Variants in UGT2B4 observed in about 807,000 individuals in gnomAD.
The protein encoded by UGT2B4 is UDP-glucuronosyltransferase 2B4.
In UGT2B4, 49 loss-of-function variants were observed where a neutral mutation model predicts 49.8. That is an observed-to-expected ratio of 0.98 (90% CI 0.78 to 1.25). The LOEUF (loss-of-function observed/expected upper bound fraction) is 1.25, where lower values mean the gene tolerates loss of function less well. UGT2B4 is among the 50% of genes most tolerant of loss of function. UGT2B4 has a pLI of 0.00. For synonymous variants in UGT2B4, 246 were observed against 217.7 expected, an observed-to-expected ratio of 1.13 and a Z score of -1.14; for missense variants, 729 against 627.7, an observed-to-expected ratio of 1.16 and a Z score of -1.73.
At chr4:69,523,918 T>C (rs931224378) in intron 1 of UGT2B4, among the ~76,000 whole-genome samples, 18 of 152,148 alleles carry the variant, frequency 1.2e-4, no homozygotes, top group African/African-American at 4.3e-4. Context: ...TTTTTTGTTA[T>C]GGTGATAGCT....
Position 69,489,475 on chromosome 4 carries a change from A to C in UGT2B4, c.966T>G (p.Asn322Lys). Residue 322 changes from asparagine (N) to lysine (K), a missense_variant, in exon 3 of 6, where the codon AAT becomes AAG. Transcript: ENST00000305107. ...TCTTGGCAAGGGCTGATGCAATTAC[A>C]TTGGCCCTTTCTTCTGACGTGTTAC... ...MVSNTSEERA[N>K]VIASALAKIP... 2 of 1,611,724 alleles carry C rather than the reference A, an allele frequency of 1.2e-6. No homozygotes were observed. Among genetic ancestry groups the C allele is most frequent in the South Asian group, 1.1e-5 (1 of 91,048 alleles).
At chr4:69,522,336 C>A (rs1035477778) in intron 1 of UGT2B4, among the ~76,000 whole-genome samples, 1 of 152,032 alleles carries the variant, frequency 6.6e-6, no homozygotes, top group African/African-American at 2.4e-5. Flanking sequence ...GTAGACTATC[C>A]GTTAGGTGGG....
chr4:69,482,781 AT>A (rs1727631199), intron 5 of UGT2B4, among the ~76,000 whole-genome samples: 1 of 151,300 alleles, frequency 6.6e-6, no homozygotes, highest in Non-Finnish European at 1.5e-5. Flanking sequence ...TAATTTTAGT[AT>A]TTTTAGCAGA....
At chr4:69,502,091 CTCTTTCTTTCTTTCTTTCTTTCTT>C (rs1157898949) in intron 1 of UGT2B4, among the ~76,000 whole-genome samples, 159 of 108,524 alleles carry the variant, frequency 1.5e-3, no homozygotes, top group African/African-American at 4.8e-3. Flanking sequence ...TTCTTTCTCT[CTCTTTCTTTCTTTCTTTCTTTCTT>C]TCTTTCTTTC....
At chr4:69,493,882 T>C in intron 1 of UGT2B4, 41 bp from the exon 2 acceptor site, 1 of 1,560,574 alleles carries the variant, frequency 6.4e-7, no homozygotes, top group Non-Finnish European at 8.6e-7. Context: ...TGACACAAGA[T>C]AATTAAACTA....
chr4:69,519,874 T>C (rs897383393), intron 1 of UGT2B4, among the ~76,000 whole-genome samples: 2 of 152,218 alleles, frequency 1.3e-5, no homozygotes, highest in Non-Finnish European at 2.9e-5. Flanking sequence ...TTCACTTGGC[T>C]AGATGAATGC....
At chr4:69,483,812 A>G (rs1727683956) in intron 5 of UGT2B4, among the ~76,000 whole-genome samples, 1 of 152,158 alleles carries the variant, frequency 6.6e-6, no homozygotes, top group Non-Finnish European at 1.5e-5. Flanking sequence ...TTTACTCACT[A>G]AAAATAAAAT....
At chr4:69,489,762 G>A (rs1477206300) in intron 2 of UGT2B4, among the ~76,000 whole-genome samples, 192 bp from the exon 3 acceptor site, 1 of 151,848 alleles carries the variant, frequency 6.6e-6, no homozygotes, top group Non-Finnish European at 1.5e-5. Context: ...CTCTGTTAAG[G>A]GTCTTTGTGT....
At chr4:69,497,091 C>T (rs767882811), upstream of UGT2B4, among the ~76,000 whole-genome samples, 4 of 149,570 alleles carry the variant, frequency 2.7e-5, no homozygotes, top group African/African-American at 7.7e-5. Context: ...TAAAGTTCAT[C>T]TTAACTGTTC....
At chr4:69,515,948 GGTA>G (rs1220282633) in intron 1 of UGT2B4, among the ~76,000 whole-genome samples, 2 of 152,142 alleles carry the variant, frequency 1.3e-5, no homozygotes, top group Non-Finnish European at 2.9e-5. Context: ...CCATCACCTA[GGTA>G]TTAAGCCTAG....
intron 1 of UGT2B4, among the ~76,000 whole-genome samples, chr4:69,503,447 A>C (rs554038844): frequency 6.5e-4 from 99 of 152,254 alleles, no homozygotes; most frequent in African/African-American, 2.4e-3. Flanking sequence ...AATCTGCATG[A>C]GTGAGTTTAG....
At chr4:69,504,270 T>A (rs767225519) in intron 1 of UGT2B4, among the ~76,000 whole-genome samples, 30 of 152,204 alleles carry the variant, frequency 2.0e-4, no homozygotes, top group Non-Finnish European at 3.2e-4. Context: ...TGGATAGAAA[T>A]GCAGTTCACT....
At chr4:69,514,063 A>C (rs1044909506) in intron 1 of UGT2B4, among the ~76,000 whole-genome samples, 2 of 152,010 alleles carry the variant, frequency 1.3e-5, no homozygotes, top group African/African-American at 4.8e-5. Context: ...TAAATGAATA[A>C]ATGTCAAAAT....
intron 1 of UGT2B4, among the ~76,000 whole-genome samples, chr4:69,503,431 G>T (rs191464951): frequency 1.2e-4 from 19 of 152,280 alleles, no homozygotes; most frequent in African/African-American, 4.1e-4. Flanking sequence ...CCACTGTGCT[G>T]ATGCAAATCT....
chr4:69,493,349 T>G (rs574947024), intron 2 of UGT2B4, among the ~76,000 whole-genome samples: 26 of 152,226 alleles, frequency 1.7e-4, no homozygotes, highest in African/African-American at 6.3e-4. Flanking sequence ...ATGTAAGGTG[T>G]GTTGGGATAG....
intron 1 of UGT2B4, among the ~76,000 whole-genome samples, chr4:69,522,051 A>G (rs183107371): frequency 1.5e-4 from 23 of 152,310 alleles, no homozygotes; most frequent in African/African-American, 5.5e-4. Context: ...CCTGAGGAAA[A>G]CATCATTGGT....
chr4:69,494,712 A>G (rs1486576235), intron 1 of UGT2B4, among the ~76,000 whole-genome samples: 1 of 152,178 alleles, frequency 6.6e-6, no homozygotes, highest in Non-Finnish European at 1.5e-5. Context: ...ACTAAATAAT[A>G]AGACTGAAAT....
chr4:69,481,390 A>G (rs182526289), intron 5 of UGT2B4, among the ~76,000 whole-genome samples: 2 of 152,342 alleles, frequency 1.3e-5, no homozygotes, highest in East Asian at 3.9e-4. Flanking sequence ...TTTTAATTTG[A>G]GTCATCATAG....
At chr4:69,485,967 C>T (rs1250114984) in intron 4 of UGT2B4, among the ~76,000 whole-genome samples, 1 of 151,928 alleles carries the variant, frequency 6.6e-6, no homozygotes, top group Non-Finnish European at 1.5e-5. Flanking sequence ...CACCATGTTG[C>T]CCAGGATGGT....
Sources: gnomAD v4.1 joint callset for allele counts (sites outside exome capture counted in the v4.1 genomes callset) on GRCh38, gnomAD v4.1.1 for gene constraint, MANE v1.5 for transcripts, NCBI Gene and HGNC (gene_info 2026-07-23, HGNC 2026-07-21) for gene names.